The following ITPR2 variants were observed in gnomAD, a reference collection of about 807,000 sequenced individuals.
The protein encoded by ITPR2 is inositol 1,4,5-trisphosphate receptor type 2.
Under a neutral mutation model 317.1 loss-of-function variants are expected in ITPR2, and 207 were observed. The observed-to-expected ratio is 0.65, with a 90% CI of 0.58 to 0.73. The LOEUF (loss-of-function observed/expected upper bound fraction) is 0.73, where lower values mean the gene tolerates loss of function less well. Ranked by LOEUF, ITPR2 falls within the 30% of genes least tolerant of loss-of-function variation. The pLI is 0.00. For missense variants in ITPR2, 2,613 were observed against 3,284.0 expected (o/e 0.80, Z 4.99); for synonymous variants, 1,156 against 1,149.1 (o/e 1.01, Z -0.12).
At chr12:26,715,499 TC>T in intron 7 of ITPR2, 54 bp from the exon 8 acceptor site, 1 of 1,536,056 alleles carries the variant, frequency 6.5e-7, no homozygotes, top group Non-Finnish European at 8.8e-7. Context: ...AGCAGGTGTC[TC>T]TTTCTGGTTT....
At chr12:26,677,591 C>T (rs1347004944) in intron 13 of ITPR2, among the ~76,000 whole-genome samples, 1 of 149,460 alleles carries the variant, frequency 6.7e-6, no homozygotes, top group African/African-American at 2.4e-5. Context: ...CAGAGCAAGA[C>T]CCTCTCTCAA....
At chr12:26,390,604 T>C (rs1939802629) in intron 54 of ITPR2, among the ~76,000 whole-genome samples, 1 of 152,158 alleles carries the variant, frequency 6.6e-6, no homozygotes, top group Non-Finnish European at 1.5e-5. Flanking sequence ...AGGGATCAGA[T>C]GATGGCTAAA....
intron 34 of ITPR2, among the ~76,000 whole-genome samples, chr12:26,564,604 C>A (rs1328080822): frequency 6.6e-6 from 1 of 152,134 alleles, no homozygotes; most frequent in Non-Finnish European, 1.5e-5. Flanking sequence ...TCCAATTCAA[C>A]TGGTGTCCTT....
chr12:26,401,756 C>G (rs1357106941), intron 52 of ITPR2, among the ~76,000 whole-genome samples: 1 of 152,188 alleles, frequency 6.6e-6, no homozygotes, highest in Non-Finnish European at 1.5e-5. Context: ...GCCTTTGATA[C>G]TTCGTTAAGA....
chr12:26,784,940 CG>C (rs2087729768), intron 2 of ITPR2, among the ~76,000 whole-genome samples: 1 of 8,316 alleles, frequency 1.2e-4, no homozygotes, highest in African/African-American at 3.0e-4. Flanking sequence ...AAGTGAGGAG[CG>C]TCTCTGCCCC....
intron 45 of ITPR2, among the ~76,000 whole-genome samples, chr12:26,463,941 C>G (rs144652129): frequency 6.4e-4 from 98 of 152,248 alleles, no homozygotes; most frequent in African/African-American, 2.2e-3. Flanking sequence ...GCCCCCATCT[C>G]TGTGCATATT....
At position 26,413,395 on chromosome 12, in the gene ITPR2, C is replaced by T. The variant is rs140945006; in HGVS notation, c.7306+1908G>A. On this transcript the variant is annotated intron_variant, in intron 51 of 56. Transcript: ENST00000381340. ...CTACAGAGTTGCATATTTCTCTGCA[C>T]TCCAAATTTCACTGGCTACCCAGGG... 5.4e-3 allele frequency among the ~76,000 whole-genome samples: 821 copies of T among 152,306 alleles called. 8 individuals carry two copies. The highest frequency in any genetic ancestry group is 0.017 in the African/African-American group (688 of 41,568).
intron 45 of ITPR2, among the ~76,000 whole-genome samples, chr12:26,463,752 A>G (rs1942101180): frequency 6.6e-6 from 1 of 152,176 alleles, no homozygotes; most frequent in Admixed American, 6.5e-5. Context: ...AATGTATACT[A>G]TATCACATTT....
intron 13 of ITPR2, among the ~76,000 whole-genome samples, chr12:26,672,202 A>C (rs2136940097): frequency 6.6e-6 from 1 of 152,042 alleles, no homozygotes; most frequent in South Asian, 2.1e-4. Flanking sequence ...AAGCAGACCT[A>C]ATAGACATCT....
At chr12:26,531,775 C>A (rs909644421) in intron 37 of ITPR2, among the ~76,000 whole-genome samples, 1 of 151,852 alleles carries the variant, frequency 6.6e-6, no homozygotes, top group Non-Finnish European at 1.5e-5. Context: ...AAGATTATAC[C>A]AACACCAAAA....
At chr12:26,510,965 G>C (rs1244044176) in intron 37 of ITPR2, among the ~76,000 whole-genome samples, 1 of 152,126 alleles carries the variant, frequency 6.6e-6, no homozygotes, top group African/African-American at 2.4e-5. Context: ...ATCACAAAAA[G>C]AACTGTACCA....
chr12:26,424,641 G>A (rs536173030), intron 49 of ITPR2, among the ~76,000 whole-genome samples: 1 of 137,530 alleles, frequency 7.3e-6, no homozygotes, highest in Admixed American at 7.7e-5. Flanking sequence ...CCAGGCTGGA[G>A]TGCAGTGGCA....
chr12:26,722,687 T>C, intron 4 of ITPR2, 132 bp from the exon 5 acceptor site: 2 of 621,362 alleles, frequency 3.2e-6, no homozygotes, highest in East Asian at 6.0e-5. Flanking sequence ...AGGAGTATTT[T>C]CAGCCTCCAC....
At chr12:26,426,759 T>A (rs1308150075) in intron 49 of ITPR2, among the ~76,000 whole-genome samples, 4 of 151,988 alleles carry the variant, frequency 2.6e-5, no homozygotes, top group Non-Finnish European at 5.9e-5. Context: ...GAATTGGCCA[T>A]ATTAGCTCAG....
At chr12:26,806,183 T>C (rs1950636455) in intron 1 of ITPR2, among the ~76,000 whole-genome samples, 1 of 152,204 alleles carries the variant, frequency 6.6e-6, no homozygotes, top group Non-Finnish European at 1.5e-5. Flanking sequence ...TATATTGATT[T>C]TGGAGTGGAA....
At chr12:26,457,563 C>T (rs1217101188) in intron 45 of ITPR2, among the ~76,000 whole-genome samples, 6 of 152,286 alleles carry the variant, frequency 3.9e-5, no homozygotes, top group African/African-American at 1.4e-4. Flanking sequence ...TGAACAGAAG[C>T]ACGAAGAGTC....
At chr12:26,725,165 A>G (rs1948899184) in intron 3 of ITPR2, among the ~76,000 whole-genome samples, 1 of 152,172 alleles carries the variant, frequency 6.6e-6, no homozygotes. Context: ...AAAACCAACC[A>G]GGATAATAGT....
intron 55 of ITPR2, among the ~76,000 whole-genome samples, chr12:26,381,432 T>C (rs1210920235): frequency 6.6e-6 from 1 of 152,214 alleles, no homozygotes; most frequent in East Asian, 1.9e-4. Flanking sequence ...TTCCTATTTA[T>C]CTTTATACAG....
At chr12:26,634,562 TG>T (rs1427047275) in intron 21 of ITPR2, among the ~76,000 whole-genome samples, 3 of 152,090 alleles carry the variant, frequency 2.0e-5, no homozygotes, top group Non-Finnish European at 4.4e-5. Context: ...TTTGAAAATA[TG>T]GAAGTCATCT....
Sources: allele counts gnomAD v4.1 joint callset (sites outside exome capture counted in the v4.1 genomes callset), GRCh38; gene constraint gnomAD v4.1.1; transcripts MANE v1.5; gene names NCBI Gene and HGNC (gene_info 2026-07-23, HGNC 2026-07-21).